The following SUMF1 variants were observed in gnomAD, a reference collection of about 807,000 sequenced individuals.
SUMF1 encodes sulfatase modifying factor 1.
Under a neutral mutation model 47.6 loss-of-function variants are expected in SUMF1, and 48 were observed. The ratio of observed to expected loss-of-function variants is 1.01; its 90% confidence interval spans 0.80 to 1.28. The LOEUF (loss-of-function observed/expected upper bound fraction) is 1.28, where lower values mean the gene tolerates loss of function less well. SUMF1 is among the 50% of genes most tolerant of loss of function. The pLI is 0.00. For missense variants in SUMF1, 571 were observed against 485.4 expected, an observed-to-expected ratio of 1.18 and a Z score of -1.66; for synonymous variants, 230 against 192.1, an observed-to-expected ratio of 1.20 and a Z score of -1.63.
intron 8 of SUMF1, among the ~76,000 whole-genome samples, chr3:4,137,416 G>A (rs1002662318): frequency 4.2e-4 from 57 of 136,866 alleles, no homozygotes; most frequent in African/African-American, 1.6e-3. Context: ...GGTGGGAATT[G>A]AACTATGAGA....
intron 1 of SUMF1, among the ~76,000 whole-genome samples, chr3:4,461,188 C>G (rs898796088): frequency 1.3e-5 from 2 of 152,168 alleles, no homozygotes; most frequent in African/African-American, 4.8e-5. Flanking sequence ...ACATGCATAA[C>G]ATGTCAACAT....
At chr3:4,242,895 A>T (rs970368210) in intron 8 of SUMF1, among the ~76,000 whole-genome samples, 4 of 152,168 alleles carry the variant, frequency 2.6e-5, no homozygotes, top group African/African-American at 7.2e-5. Context: ...GTGTGAATCC[A>T]TCTGGTCCTG....
At chr3:4,344,262 G>C (rs1165435915) in intron 8 of SUMF1, among the ~76,000 whole-genome samples, 1 of 152,212 alleles carries the variant, frequency 6.6e-6, no homozygotes, top group African/African-American at 2.4e-5. Context: ...AGCCACACGG[G>C]GAAGGGGAAC....
chr3:4,103,568 A>G (rs1481080196), intron 8 of SUMF1, among the ~76,000 whole-genome samples: 3 of 152,116 alleles, frequency 2.0e-5, no homozygotes, highest in South Asian at 2.1e-4. Flanking sequence ...CGTATTTGTC[A>G]TTAGTGATTA....
chr3:4,359,749 A>C (rs1332535384), downstream of SUMF1, among the ~76,000 whole-genome samples: 2 of 152,114 alleles, frequency 1.3e-5, no homozygotes, highest in Non-Finnish European at 2.9e-5. Flanking sequence ...CCCATGATTC[A>C]ATTACTCCCA....
chr3:4,407,826 AG>A (rs1399348259), intron 7 of SUMF1, among the ~76,000 whole-genome samples: 1 of 152,178 alleles, frequency 6.6e-6, no homozygotes, highest in East Asian at 1.9e-4. Context: ...TCATGGCCTG[AG>A]GATATAAAAA....
intron 8 of SUMF1, among the ~76,000 whole-genome samples, chr3:4,274,786 G>A (rs73806972): frequency 6.6e-6 from 1 of 152,194 alleles, no homozygotes; most frequent in East Asian, 1.9e-4. Flanking sequence ...AATCTAGACT[G>A]ACAGAAAAAA....
intron 9 of SUMF1, among the ~76,000 whole-genome samples, chr3:4,040,715 C>G (rs1253476515): frequency 6.6e-6 from 1 of 152,122 alleles, no homozygotes; most frequent in East Asian, 1.9e-4. Flanking sequence ...TTTTAGTAGA[C>G]AGTGAGCTTA....
chr3:4,423,187 C>T (rs1701958786), intron 3 of SUMF1, among the ~76,000 whole-genome samples: 3 of 152,132 alleles, frequency 2.0e-5, no homozygotes, highest in Non-Finnish European at 2.9e-5. Context: ...GATACTTGCA[C>T]ACACATGTTT....
intron 8 of SUMF1, among the ~76,000 whole-genome samples, chr3:4,215,634 T>C (rs1225435058): frequency 6.6e-6 from 1 of 152,168 alleles, no homozygotes; most frequent in Non-Finnish European, 1.5e-5. Flanking sequence ...TGATTGTATA[T>C]TTAGAAAACC....
chr3:4,438,748 C>A (rs182215965), intron 3 of SUMF1, among the ~76,000 whole-genome samples: 205 of 151,956 alleles, frequency 1.3e-3, no homozygotes, highest in African/African-American at 4.5e-3. Context: ...TAAGATCAAG[C>A]AGAAGGGAAA....
At position 4,361,524 on chromosome 3, in the gene SUMF1, T is replaced by A. The variant is rs2125173465; in HGVS notation, c.*620A>T. The A allele has an allele frequency of 6.4e-6, 1 of 156,132 alleles. No individual in the cohort carries two copies. Among genetic ancestry groups the A allele is most frequent in the South Asian group, 2.0e-4 (1 of 5,004 alleles). The allele number at this position is 156,132 out of a possible 1,614,324, so 9.7% of individuals were successfully genotyped here. ...TTCATCATAACAACGTAAAAGACAC[T>A]GATTTCCTTGGAAAAACAAAGTGCA... is the stretch of plus-strand genomic sequence containing the variant. On this transcript the variant is annotated 3_prime_UTR_variant, in exon 9 of 9. Coordinates refer to ENST00000272902, the MANE Select transcript of SUMF1 (RefSeq NM_182760.4).
chr3:4,232,303 C>A (rs1696317963), intron 8 of SUMF1, among the ~76,000 whole-genome samples: 1 of 152,070 alleles, frequency 6.6e-6, no homozygotes, highest in Non-Finnish European at 1.5e-5. Flanking sequence ...CCAGAACAGT[C>A]AAACCAAAAT....
chr3:4,161,474 G>C (rs1053151935), intron 8 of SUMF1, among the ~76,000 whole-genome samples: 7 of 152,106 alleles, frequency 4.6e-5, no homozygotes, highest in Admixed American at 4.6e-4. Flanking sequence ...AATCTACCTG[G>C]TGCTCTATTC....
intron 8 of SUMF1, among the ~76,000 whole-genome samples, chr3:4,082,524 T>C (rs1210326770): frequency 6.6e-6 from 1 of 152,076 alleles, no homozygotes; most frequent in East Asian, 1.9e-4. Context: ...TTAAAATCAA[T>C]AGAATTAAAT....
intron 3 of SUMF1, among the ~76,000 whole-genome samples, chr3:4,442,440 T>G (rs1702633038): frequency 6.6e-6 from 1 of 151,286 alleles, no homozygotes; most frequent in Non-Finnish European, 1.5e-5. Flanking sequence ...TTTGTATTTT[T>G]AGTAGAGACG....
intron 8 of SUMF1, among the ~76,000 whole-genome samples, chr3:4,205,237 A>G (rs1695625711): frequency 6.6e-6 from 1 of 152,170 alleles, no homozygotes; most frequent in Non-Finnish European, 1.5e-5. Context: ...ACCCTTGAGA[A>G]TGTACTTTGT....
At chr3:4,415,230 A>C (rs1218974040) in intron 6 of SUMF1, among the ~76,000 whole-genome samples, 1 of 151,150 alleles carries the variant, frequency 6.6e-6, no homozygotes, top group Non-Finnish European at 1.5e-5. Flanking sequence ...CCATCTCAAA[A>C]AAAAAAAAAA....
At chr3:4,423,381 G>C (rs1239137910) in intron 3 of SUMF1, among the ~76,000 whole-genome samples, 1 of 151,946 alleles carries the variant, frequency 6.6e-6, no homozygotes, top group Non-Finnish European at 1.5e-5. Context: ...GATGGGATTG[G>C]AGCCTACCCC....
Sources: gnomAD v4.1 joint callset for allele counts (sites outside exome capture counted in the v4.1 genomes callset) on GRCh38, gnomAD v4.1.1 for gene constraint, MANE v1.5 for transcripts, NCBI Gene and HGNC (gene_info 2026-07-23, HGNC 2026-07-21) for gene names.